PPEF1: variants seen among roughly 807,000 people sequenced by gnomAD.
PPEF1 encodes serine/threonine-protein phosphatase with EF-hands 1.
PPEF1 carries 12 observed loss-of-function variants against 53.3 expected under a neutral mutation model. The observed-to-expected ratio is 0.23, with a 90% CI of 0.14 to 0.36. PPEF1 has a LOEUF of 0.36. Among genes scored for constraint, PPEF1 ranks in the 10% least tolerant of loss-of-function variants. The probability of loss-of-function intolerance (pLI) is 1.00; values close to 1 mark genes in which losing one functional copy is unlikely to be tolerated. For missense variants in PPEF1, 334 were observed against 490.4 expected (o/e 0.68, Z 3.01); for synonymous variants, 165 against 176.7 (o/e 0.93, Z 0.52).
At chrX:18,789,067 T>C (rs1422974886) in intron 9 of PPEF1, 54 bp from the exon 10 acceptor site, 1 of 1,173,214 alleles carries the variant, frequency 8.5e-7, no homozygotes, top group African/African-American at 1.8e-5. Context: ...CTGAAGTCTC[T>C]GTATGTGGCA....
chrX:18,700,753 C>G (rs1930054035), intron 6 of PPEF1, among the ~76,000 whole-genome samples: 1 of 111,732 alleles, frequency 8.9e-6, no homozygotes, highest in East Asian at 2.8e-4. Context: ...CCTTCTAGGT[C>G]CCCTCAGGGA....
intron 4 of PPEF1, among the ~76,000 whole-genome samples, chrX:18,693,624 T>TGGCGCAACCTTGGCTC (rs1454061048): frequency 2.7e-5 from 3 of 112,304 alleles, no homozygotes; most frequent in African/African-American, 9.7e-5. Flanking sequence ...TGGAGTGTAA[T>TGGCGCAACCTTGGCTC]GGCGCAACCT....
At chrX:18,724,492 G>A (rs1206493166) in intron 1 of PPEF1, among the ~76,000 whole-genome samples, 1 of 111,924 alleles carries the variant, frequency 8.9e-6, no homozygotes, top group Admixed American at 9.5e-5. Flanking sequence ...AACCAGCTTG[G>A]CAATAGAGAA....
At chrX:18,790,090 C>A (rs2046298180) in intron 10 of PPEF1, among the ~76,000 whole-genome samples, 1 of 112,249 alleles carries the variant, frequency 8.9e-6, no homozygotes, top group Non-Finnish European at 1.9e-5. Flanking sequence ...AATTTCTCCA[C>A]ATCCTCTCTA....
chrX:18,801,381 T>G (rs1007437882), intron 10 of PPEF1, among the ~76,000 whole-genome samples: 3 of 111,971 alleles, frequency 2.7e-5, no homozygotes, highest in Admixed American at 1.9e-4. Context: ...CATACCAAAC[T>G]TATAAACGGG....
At chrX:18,811,709 T>C (rs1414676204) in intron 12 of PPEF1, among the ~76,000 whole-genome samples, 1 of 105,213 alleles carries the variant, frequency 9.5e-6, no homozygotes, top group Admixed American at 1.0e-4. Flanking sequence ...CGGGGCTCAA[T>C]TGATCCTCCT....
chrX:18,705,811 GT>G (rs1475143299), upstream of PPEF1, among the ~76,000 whole-genome samples: 1 of 112,081 alleles, frequency 8.9e-6, no homozygotes, highest in Non-Finnish European at 1.9e-5. Flanking sequence ...CAGAAAATCT[GT>G]TTACTAAGCT....
At chrX:18,789,041 A>G (rs2147625058) in intron 9 of PPEF1, 80 bp from the exon 10 acceptor site, 2 of 1,113,301 alleles carry the variant, frequency 1.8e-6, no homozygotes, top group Non-Finnish European at 2.4e-6. Context: ...CAACATAGAA[A>G]GAATCCCACC....
intron 3 of PPEF1, among the ~76,000 whole-genome samples, chrX:18,739,226 T>C (rs1239358183): frequency 1.8e-5 from 2 of 112,560 alleles, no homozygotes; most frequent in Non-Finnish European, 1.9e-5. Context: ...TTTTAGAATT[T>C]TCAGCTTTTC....
chrX:18,675,252 GGGCGGCCC>G (rs1375567471), upstream of PPEF1, among the ~76,000 whole-genome samples: 7 of 113,402 alleles, frequency 6.2e-5, no homozygotes, highest in Non-Finnish European at 1.3e-4. Flanking sequence ...GGCGCCGGCG[GGGCGGCCC>G]GGCGGCCGGA....
rs1300569856 is a variant in PPEF1, at chrX:18,788,988, A to T, written c.913-133A>T. On this transcript the variant is annotated intron_variant, in intron 9 of 15. Coordinates refer to ENST00000470157, the MANE Select transcript of PPEF1 (RefSeq NM_001377996.1). ...GAGTGAGATATAGGAGGTGGACGAG[A>T]TGCAAAAAGTGACCGTGTGTTTTTC... is the stretch of plus-strand genomic sequence containing the variant. 3.9e-6 allele frequency: 3 copies of T among 764,280 alleles called. No homozygotes were observed. In the African/African-American group the frequency reaches 6.3e-5, roughly 16 times the overall value. The allele number at this position is 764,280 out of a possible 1,213,427, so 63.0% of individuals were successfully genotyped here.
In PPEF1 at chrX:18,803,018, C is replaced by T. The variant is rs190378692; in HGVS notation, c.1066-874C>T. ...AGCAGCGCTAGAGGAATTAAAGACACACACAGAAATATAGAGGTGTGAAGT... is the reference window on the plus strand; with the variant it reads ...AGCAGCGCTAGAGGAATTAAAGACATACACAGAAATATAGAGGTGTGAAGT... On this transcript the variant is annotated intron_variant, in intron 10 of 15. Transcript: ENST00000470157. 1.7e-3 allele frequency among the ~76,000 whole-genome samples: 186 copies of T among 111,942 alleles called. 1 individual carries two copies. Among genetic ancestry groups the T allele is most frequent in the African/African-American group, 5.6e-3 (174 of 30,818 alleles).
At chrX:18,824,269 G>T (rs748653046) in intron 14 of PPEF1, among the ~76,000 whole-genome samples, 183 bp downstream of exon 14, 1 of 111,186 alleles carries the variant, frequency 9.0e-6, no homozygotes, top group East Asian at 2.9e-4. Flanking sequence ...GTGAAGCCCC[G>T]TCTCTACCAA....
At chrX:18,676,575 G>A (rs1282323924) in intron 1 of PPEF1, among the ~76,000 whole-genome samples, 2 of 111,138 alleles carry the variant, frequency 1.8e-5, no homozygotes, top group African/African-American at 3.3e-5. Flanking sequence ...GCCACCGGCC[G>A]GAGGATACGT....
intron 13 of PPEF1, among the ~76,000 whole-genome samples, chrX:18,822,184 G>C (rs1436792052): frequency 1.8e-5 from 2 of 111,756 alleles, no homozygotes; most frequent in African/African-American, 6.5e-5. Flanking sequence ...CTAACCGTGC[G>C]GTGCTGTAGA....
At chrX:18,817,592 G>A (rs897161752) in intron 12 of PPEF1, among the ~76,000 whole-genome samples, 10 of 110,895 alleles carry the variant, frequency 9.0e-5, no homozygotes, top group South Asian at 3.8e-4. Context: ...CACCCGCCTC[G>A]GCCTCCCAAA....
intron 5 of PPEF1, chrX:18,697,965 A>T (rs1228551879): frequency 5.4e-5 from 6 of 111,353 alleles, no homozygotes; most frequent in Non-Finnish European, 1.1e-4. Context: ...TAATGATTAT[A>T]ATAAGCAGGG....
At chrX:18,824,175 C>A in intron 14 of PPEF1, 89 bp downstream of exon 14, 5 of 956,683 alleles carry the variant, frequency 5.2e-6, no homozygotes, top group Non-Finnish European at 5.6e-6. Context: ...GGCACAGTGG[C>A]TCACGCCTGT....
At chrX:18,676,431 G>A (rs1308031660) in intron 1 of PPEF1, among the ~76,000 whole-genome samples, 1 of 107,987 alleles carries the variant, frequency 9.3e-6, no homozygotes, top group Non-Finnish European at 1.9e-5. Context: ...CCCGTTTCCC[G>A]ATGTCCTCAG....
Sources: allele counts gnomAD v4.1 joint callset (sites outside exome capture counted in the v4.1 genomes callset), GRCh38; gene constraint gnomAD v4.1.1; transcripts MANE v1.5; gene names NCBI Gene and HGNC (gene_info 2026-07-23, HGNC 2026-07-21).